GOLGA5: variants seen among roughly 807,000 people sequenced by gnomAD.
GOLGA5 encodes golgin subfamily A member 5.
In GOLGA5, 50 loss-of-function variants were observed where a neutral mutation model predicts 93.5. That is an observed-to-expected ratio of 0.53 (90% CI 0.43 to 0.68). The LOEUF (loss-of-function observed/expected upper bound fraction) is 0.68, where lower values mean the gene tolerates loss of function less well. Among genes scored for constraint, GOLGA5 ranks in the 30% least tolerant of loss-of-function variants. The pLI, the probability that GOLGA5 is intolerant of heterozygous loss-of-function variation, is 0.00. For missense variants in GOLGA5, 760 were observed against 856.4 expected, an observed-to-expected ratio of 0.89 and a Z score of 1.40; for synonymous variants, 312 against 304.5, an observed-to-expected ratio of 1.02 and a Z score of -0.26.
At chr14:92,799,330 G>A (rs1884810772) in intron 2 of GOLGA5, among the ~76,000 whole-genome samples, 1 of 146,826 alleles carries the variant, frequency 6.8e-6, no homozygotes, top group African/African-American at 2.6e-5. Context: ...AGGCTGGAGT[G>A]CAGTGGCCTG....
chr14:92,794,891 G>T lies in GOLGA5; in HGVS notation c.-31+435G>T, dbSNP rs569589670. 3.2e-3 allele frequency among the ~76,000 whole-genome samples: 213 copies of T among 66,950 alleles called. 1 individual carries two copies. The highest frequency in any genetic ancestry group is 3.9e-3 in the Non-Finnish European group (146 of 37,632). 43.9% of individuals were successfully genotyped at this position (66,950 alleles called of 152,430 possible). A position where few individuals can be genotyped will look rare whatever the true frequency, so the allele number is the denominator to read the frequency against. ...CTTTGCAGACCCATCCCCATCCCAC[G>T]CACTCTCTGCCCCTGGGCAGTGTCT... is the stretch of plus-strand genomic sequence containing the variant. On this transcript the variant is annotated intron_variant, in intron 1 of 12. Transcript: ENST00000163416.
intron 4 of GOLGA5, among the ~76,000 whole-genome samples, chr14:92,809,890 G>A (rs1390353297): frequency 6.6e-6 from 1 of 152,182 alleles, no homozygotes; most frequent in African/African-American, 2.4e-5. Flanking sequence ...CCCAGGAGGT[G>A]GAGGTTGCAG....
At chr14:92,802,672 T>C (rs1002020826) in intron 2 of GOLGA5, among the ~76,000 whole-genome samples, 4 of 151,810 alleles carry the variant, frequency 2.6e-5, no homozygotes, top group Non-Finnish European at 5.9e-5. Context: ...TTTTTTCCTC[T>C]ACCCTTGGAG....
chr14:92,801,431 A>G (rs1884867774), intron 2 of GOLGA5, among the ~76,000 whole-genome samples: 1 of 151,792 alleles, frequency 6.6e-6, no homozygotes, highest in Non-Finnish European at 1.5e-5. Flanking sequence ...TTGAACTTTC[A>G]TTTTCTGGAA....
At chr14:92,822,250 C>T (rs1885331134) in intron 8 of GOLGA5, among the ~76,000 whole-genome samples, 1 of 152,160 alleles carries the variant, frequency 6.6e-6, no homozygotes, top group Admixed American at 6.5e-5. Context: ...TGATGAACAA[C>T]TTGAGCTAAA....
At chr14:92,807,458 C>A (rs7148432) in intron 3 of GOLGA5, among the ~76,000 whole-genome samples, 99,727 of 152,110 alleles carry the variant, frequency 0.66, 33,132 homozygotes, top group African/African-American at 0.77. Context: ...CAGTCATCCT[C>A]CCACCAACCC....
In GOLGA5 at chr14:92,806,919, A is replaced by G. The variant is rs1170691651; in HGVS notation, c.728A>G (p.Gln243Arg). The change falls in exon 3 of 13, where the codon CAA becomes CGA. Residue 243 changes from glutamine to arginine, a missense_variant. Transcript: ENST00000163416. ...AGGAATGAAGTTCAGTCTTTAAATCAAGAAATGGCCTCGTTACTCCAAAGA... is the reference window on the plus strand; with the variant it reads ...AGGAATGAAGTTCAGTCTTTAAATCGAGAAATGGCCTCGTTACTCCAAAGA... ...LLRNEVQSLN[Q>R]EMASLLQRSK... The G allele has an allele frequency of 6.2e-7, 1 of 1,612,918 alleles. No individual in the cohort carries two copies. The highest frequency in any genetic ancestry group is 1.3e-5 in the African/African-American group (1 of 74,886).
chr14:92,803,593 T>A (rs1285629936), intron 2 of GOLGA5, among the ~76,000 whole-genome samples: 1 of 152,214 alleles, frequency 6.6e-6, no homozygotes, highest in Non-Finnish European at 1.5e-5. Context: ...TGAATCTGTT[T>A]TTGGTAAGTT....
Position 92,806,678 on chromosome 14 carries a change from G to T in GOLGA5, c.545-58G>T, listed in dbSNP as rs1219176441. On this transcript the variant is annotated intron_variant, in intron 2 of 12. Transcript: ENST00000163416. ...CTTGAGCATCCTACCAAAGCAAGTTGTTAATGCATATGTGATGAACACGCC... is the reference window on the plus strand; with the variant it reads ...CTTGAGCATCCTACCAAAGCAAGTTTTTAATGCATATGTGATGAACACGCC... The T allele has an allele frequency of 9.8e-6, 11 of 1,123,860 alleles. No homozygotes were observed. The East Asian group carries it at 2.6e-4, about 27-fold the overall frequency. The allele number at this position is 1,123,860 out of a possible 1,614,324, so 69.6% of individuals were successfully genotyped here.
intron 3 of GOLGA5, among the ~76,000 whole-genome samples, chr14:92,807,839 T>C (rs1170752907): frequency 6.6e-6 from 1 of 152,096 alleles, no homozygotes; most frequent in Non-Finnish European, 1.5e-5. Flanking sequence ...ACAAAATTGC[T>C]GCCTTGGTTC....
chr14:92,807,273 G>A (rs551207423), intron 3 of GOLGA5, among the ~76,000 whole-genome samples: 2 of 152,056 alleles, frequency 1.3e-5, no homozygotes, highest in East Asian at 3.9e-4. Flanking sequence ...CTGCACTCTA[G>A]TCTGGGCAGC....
chr14:92,831,137 G>A (rs1349270556), intron 9 of GOLGA5, among the ~76,000 whole-genome samples: 1 of 152,104 alleles, frequency 6.6e-6, no homozygotes, highest in Non-Finnish European at 1.5e-5. Context: ...GTGAGGATGT[G>A]GTGCAGCTGG....
chr14:92,824,492 A>G (rs1885375310), intron 8 of GOLGA5, 54 bp from the exon 9 acceptor site: 2 of 839,424 alleles, frequency 2.4e-6, no homozygotes, highest in Admixed American at 4.1e-5. Context: ...GGTACTGAGG[A>G]TGGAATAGGG....
At chr14:92,820,258 C>T (rs901584700) in intron 8 of GOLGA5, among the ~76,000 whole-genome samples, 12 of 152,194 alleles carry the variant, frequency 7.9e-5, no homozygotes, top group African/African-American at 2.7e-4. Context: ...GCAAAGGAAT[C>T]TGTGTCACAA....
chr14:92,818,211 A>G (rs1235152375), intron 7 of GOLGA5, among the ~76,000 whole-genome samples: 3 of 152,228 alleles, frequency 2.0e-5, no homozygotes, highest in Non-Finnish European at 4.4e-5. Flanking sequence ...GCAATGTATA[A>G]TAAGTGTTAG....
At chr14:92,815,444 A>C (rs1227829418) in intron 6 of GOLGA5, among the ~76,000 whole-genome samples, 1 of 152,160 alleles carries the variant, frequency 6.6e-6, no homozygotes, top group Non-Finnish European at 1.5e-5. Flanking sequence ...TACTATCTAT[A>C]GAGAGAGACA....
At chr14:92,824,519 C>T in intron 8 of GOLGA5, 27 bp from the exon 9 acceptor site, 1 of 1,224,644 alleles carries the variant, frequency 8.2e-7, no homozygotes, top group Non-Finnish European at 1.2e-6. Context: ...TATTTCGCTT[C>T]TGTTTTGTTT....
chr14:92,825,731 C>A lies in GOLGA5; in HGVS notation c.1719+1087C>A, dbSNP rs190463983. On this transcript the variant is annotated intron_variant, in intron 9 of 12. Coordinates refer to ENST00000163416, the MANE Select transcript of GOLGA5 (RefSeq NM_005113.4). ...AAAAAATTAGGCGTGGTGGCACACA[C>A]CTGTAGTTCTAGCTACTCAGAGGCT... Among the ~76,000 whole-genome samples, 1,378 of 151,702 alleles carry A rather than the reference C, an allele frequency of 9.1e-3. 10 individuals are homozygous for A. The highest frequency in any genetic ancestry group is 0.013 in the Non-Finnish European group (860 of 67,938).
chr14:92,837,504 T>G, intron 12 of GOLGA5, 55 bp downstream of exon 12: 1 of 697,774 alleles, frequency 1.4e-6, no homozygotes, highest in Non-Finnish European at 2.4e-6. Flanking sequence ...ACTAGTTTTT[T>G]TTTTTGTTTG....
Sources: gnomAD v4.1 joint callset for allele counts (sites outside exome capture counted in the v4.1 genomes callset) on GRCh38, gnomAD v4.1.1 for gene constraint, MANE v1.5 for transcripts, NCBI Gene and HGNC (gene_info 2026-07-23, HGNC 2026-07-21) for gene names.